The following KCNJ12 variants were observed in gnomAD, a reference collection of about 807,000 sequenced individuals.
KCNJ12 encodes ATP-sensitive inward rectifier potassium channel 12.
KCNJ12 carries 2 observed loss-of-function variants against 22.3 expected under a neutral mutation model. That is an observed-to-expected ratio of 0.09 (90% CI 0.04 to 0.28). KCNJ12 has a LOEUF of 0.28. KCNJ12 is among the 10% of genes least tolerant of loss of function. The probability of loss-of-function intolerance (pLI) is 1.00; values close to 1 mark genes in which losing one functional copy is unlikely to be tolerated. For synonymous variants in KCNJ12, 117 were observed against 261.4 expected (o/e 0.45, Z 5.33); for missense variants, 155 against 633.3 (o/e 0.24, Z 8.11).
At chr17:21,412,803 G>A (rs1906441438) in intron 2 of KCNJ12, among the ~76,000 whole-genome samples, 1 of 152,310 alleles carries the variant, frequency 6.6e-6, no homozygotes, top group Admixed American at 6.5e-5. Context: ...GGCCCATGGT[G>A]GGGGACGGCG....
chr17:21,388,835 C>A (rs1555558990), intron 1 of KCNJ12, among the ~76,000 whole-genome samples: 1 of 152,154 alleles, frequency 6.6e-6, no homozygotes, highest in African/African-American at 2.4e-5. Context: ...AATCGGGAAG[C>A]CTCGGTTCTC....
chr17:21,382,838 G>A (rs140395675), intron 1 of KCNJ12, among the ~76,000 whole-genome samples: 1 of 152,268 alleles, frequency 6.6e-6, no homozygotes, highest in East Asian at 1.9e-4. Context: ...AGGAAACCAG[G>A]TAACATGAGG....
At chr17:21,411,518 G>A (rs1208217403) in intron 2 of KCNJ12, among the ~76,000 whole-genome samples, 1 of 152,310 alleles carries the variant, frequency 6.6e-6, no homozygotes, top group Non-Finnish European at 1.5e-5. Flanking sequence ...CCCTCCCGGC[G>A]ACCCTGGGAC....
rs1309984967 is a variant in KCNJ12 at position 21,387,154 on chromosome 17, T to TCAAAAA, written c.-179+10263_-179+10268dup. ...CTGGGTGACAGAGCGAGACTCCGTC[T>TCAAAAA]CAAAAACAAAAACAAAAACAAAAAC... is the stretch of plus-strand genomic sequence containing the variant. On this transcript the variant is annotated intron_variant, in intron 1 of 2. Coordinates refer to ENST00000583088, the MANE Select transcript of KCNJ12 (RefSeq NM_021012.5). Among the ~76,000 whole-genome samples the TCAAAAA allele has an allele frequency of 2.0e-4, 30 of 146,926 alleles. 1 individual carries two copies. Among genetic ancestry groups the TCAAAAA allele is most frequent in the South Asian group, 1.1e-3 (5 of 4,666 alleles).
intron 2 of KCNJ12, among the ~76,000 whole-genome samples, chr17:21,411,742 C>T (rs1906360496): frequency 6.6e-6 from 1 of 152,310 alleles, no homozygotes; most frequent in Non-Finnish European, 1.5e-5. Flanking sequence ...TGTCTGATTT[C>T]ACTGTATGCA....
chr17:21,392,195 C>A (rs1217571159), intron 1 of KCNJ12, among the ~76,000 whole-genome samples: 1 of 152,160 alleles, frequency 6.6e-6, no homozygotes, highest in African/African-American at 2.4e-5. Context: ...AGAAGCTGCC[C>A]TACCCTCTGC....
chr17:21,410,299 G>A (rs1555561501), intron 2 of KCNJ12, among the ~76,000 whole-genome samples: 1 of 152,260 alleles, frequency 6.6e-6, no homozygotes, highest in Non-Finnish European at 1.5e-5. Flanking sequence ...CAGAGCCTCA[G>A]TCTCCCCATC....
At chr17:21,383,612 C>T (rs1339033782) in intron 1 of KCNJ12, among the ~76,000 whole-genome samples, 2 of 152,232 alleles carry the variant, frequency 1.3e-5, no homozygotes, top group South Asian at 4.1e-4. Flanking sequence ...TCACAGCCAC[C>T]TGTTTGGCCC....
intron 1 of KCNJ12, among the ~76,000 whole-genome samples, chr17:21,400,871 C>T (rs77348283): frequency 1.4e-4 from 21 of 152,396 alleles, no homozygotes; most frequent in South Asian, 8.3e-4. Flanking sequence ...TGCTTATGAG[C>T]GCCCTAACTA....
intron 1 of KCNJ12, among the ~76,000 whole-genome samples, chr17:21,394,816 T>C (rs1567699237): frequency 6.6e-6 from 1 of 152,132 alleles, no homozygotes; most frequent in Non-Finnish European, 1.5e-5. Context: ...AGTTCAGTGT[T>C]GCCAGGGGTA....
chr17:21,388,721 AACATTATCTC>A (rs1361401154), intron 1 of KCNJ12, among the ~76,000 whole-genome samples: 1 of 152,206 alleles, frequency 6.6e-6, no homozygotes, highest in African/African-American at 2.4e-5. Flanking sequence ...TGCTTTCCCG[AACATTATCTC>A]ACTGAATTCT....
chr17:21,410,281 C>T (rs1409921412), intron 2 of KCNJ12, among the ~76,000 whole-genome samples: 1 of 152,246 alleles, frequency 6.6e-6, no homozygotes, highest in Non-Finnish European at 1.5e-5. Context: ...GGAGCAAGGG[C>T]ACCGGCTCAG....
At chr17:21,405,630 C>T (rs1400686856) in intron 1 of KCNJ12, among the ~76,000 whole-genome samples, 10 of 152,282 alleles carry the variant, frequency 6.6e-5, no homozygotes, top group Non-Finnish European at 1.0e-4. Flanking sequence ...CCCTCCCCTG[C>T]GGGACGCTGT....
At chr17:21,413,738 G>A (rs868931566) in intron 2 of KCNJ12, among the ~76,000 whole-genome samples, 8 of 152,304 alleles carry the variant, frequency 5.3e-5, no homozygotes, top group African/African-American at 1.4e-4. Context: ...CCGGGGGTGG[G>A]CACGTCAGTG....
intron 1 of KCNJ12, among the ~76,000 whole-genome samples, chr17:21,385,950 G>A (rs1156728774): frequency 6.6e-6 from 1 of 152,234 alleles, no homozygotes; most frequent in Non-Finnish European, 1.5e-5. Flanking sequence ...AAACCCACAC[G>A]CCTACCATTG....
At chr17:21,409,200 A>G (rs1195222552) in intron 2 of KCNJ12, among the ~76,000 whole-genome samples, 3 of 152,308 alleles carry the variant, frequency 2.0e-5, no homozygotes, top group Non-Finnish European at 2.9e-5. Flanking sequence ...CCTGAACGGG[A>G]AAAGCCCAGT....
At chr17:21,382,006 G>C (rs1320846676) in intron 1 of KCNJ12, among the ~76,000 whole-genome samples, 5 of 152,256 alleles carry the variant, frequency 3.3e-5, no homozygotes, top group Non-Finnish European at 7.3e-5. Flanking sequence ...GAGCCTCAGA[G>C]AGGTCACTGT....
At chr17:21,414,339 G>T (rs1349761618) in intron 2 of KCNJ12, among the ~76,000 whole-genome samples, 2 of 152,284 alleles carry the variant, frequency 1.3e-5, no homozygotes, top group Non-Finnish European at 2.9e-5. Context: ...GCTGGATGTG[G>T]TGGCGGGCAC....
intron 1 of KCNJ12, among the ~76,000 whole-genome samples, chr17:21,382,870 C>T (rs531952147): frequency 1.3e-5 from 2 of 152,318 alleles, no homozygotes; most frequent in East Asian, 3.9e-4. Context: ...GGATACTTCT[C>T]AGCCCTCCCT....
Sources: allele counts gnomAD v4.1 joint callset (sites outside exome capture counted in the v4.1 genomes callset), GRCh38; gene constraint gnomAD v4.1.1; transcripts MANE v1.5; gene names NCBI Gene and HGNC (gene_info 2026-07-23, HGNC 2026-07-21).